The following PADI2 variants were observed in gnomAD, a reference collection of about 807,000 sequenced individuals.
The protein encoded by PADI2 is protein-arginine deiminase type-2.
PADI2 carries 70 observed loss-of-function variants against 81.1 expected under a neutral mutation model. The observed-to-expected ratio is 0.86, with a 90% confidence interval of 0.71 to 1.05. The LOEUF (loss-of-function observed/expected upper bound fraction) is 1.05. Ranked by LOEUF, PADI2 falls within the 50% of genes least tolerant of loss-of-function variation. The probability of loss-of-function intolerance (pLI) is 0.00; values close to 1 mark genes in which losing one functional copy is unlikely to be tolerated. For missense variants in PADI2, 853 were observed against 889.9 expected, an observed-to-expected ratio of 0.96 and a Z score of 0.53; for synonymous variants, 338 against 358.0, an observed-to-expected ratio of 0.94 and a Z score of 0.63.
At chr1:17,105,785 A>G (rs1480833705) in intron 1 of PADI2, among the ~76,000 whole-genome samples, 1 of 152,208 alleles carries the variant, frequency 6.6e-6, no homozygotes, top group East Asian at 1.9e-4. Flanking sequence ...GGCCAGCTGC[A>G]TTGCAGTCAC....
chr1:17,069,160 C>G lies in PADI2; in HGVS notation c.1882G>C (p.Glu628Gln). 1 of 1,614,206 alleles carries G rather than the reference C, an allele frequency of 6.2e-7. No homozygotes were observed. The highest frequency in any genetic ancestry group is 8.5e-7 in the Non-Finnish European group (1 of 1,180,022). Residue 628 changes from glutamate to glutamine, a missense_variant, in exon 16 of 16, where the codon GAA (glutamate) becomes CAA (glutamine). Transcript: ENST00000375486. ...GAAATGTCGTCGATGAAGGTGCATT[C>G]GAGGCCCAGGGGCTCCAGGAGGCCA... ...VRGLLEPLGLECTFIDDISAY... is the reference protein window; with the variant it reads ...VRGLLEPLGLQCTFIDDISAY...
intron 3 of PADI2, among the ~76,000 whole-genome samples, chr1:17,100,834 G>A (rs553475792): frequency 6.7e-6 from 1 of 150,186 alleles, no homozygotes; most frequent in Non-Finnish European, 1.5e-5. Flanking sequence ...GTTAATTTTT[G>A]TATTTTTAGT....
Position 17,104,451 on chromosome 1 carries a change from T to TTTTTTC in PADI2, c.276+426_276+427insGAAAAA, listed in dbSNP as rs1161832659. On this transcript the variant is annotated intron_variant, in intron 2 of 15. Transcript: ENST00000375486. ...CTTTTCTTTTTTTTTTTTTTTTTTT[T>TTTTTTC]TGAGACGGAGTCTCGCTCTGTCGCC... Among the ~76,000 whole-genome samples the TTTTTTC allele has an allele frequency of 1.1e-4, 13 of 123,748 alleles. 1 individual carries two copies. The highest frequency in any genetic ancestry group is 3.4e-5 in the Non-Finnish European group (2 of 58,170). 81.2% of individuals were successfully genotyped at this position (123,748 alleles called of 152,430 possible). A position where few individuals can be genotyped will look rare whatever the true frequency, so the allele number is the denominator to read the frequency against.
intron 10 of PADI2, among the ~76,000 whole-genome samples, chr1:17,081,158 G>A (rs1050901513): frequency 9.2e-5 from 14 of 152,256 alleles, no homozygotes; most frequent in African/African-American, 3.4e-4. Context: ...TGGTGCTGGT[G>A]GTTGGTTTGA....
chr1:17,084,324 T>C (rs1243655605), intron 8 of PADI2, among the ~76,000 whole-genome samples: 1 of 152,262 alleles, frequency 6.6e-6, no homozygotes, highest in African/African-American at 2.4e-5. Flanking sequence ...AGGAGGTTGC[T>C]AACTGCCTGG....
chr1:17,083,519 A>C lies in PADI2; in HGVS notation c.1050+207T>G. 2.3e-5 allele frequency: 13 copies of C among 562,690 alleles called. No individual in the cohort carries two copies. The South Asian group carries it at 2.7e-4, about 12-fold the overall frequency. 34.9% of individuals were successfully genotyped at this position (562,690 alleles called of 1,614,324 possible). A position where few individuals can be genotyped will look rare whatever the true frequency, so the allele number is the denominator to read the frequency against. On this transcript the variant is annotated intron_variant, in intron 9 of 15. Coordinates refer to ENST00000375486, the MANE Select transcript of PADI2 (RefSeq NM_007365.3). ...CTCAGTCCTCCACAGATGGACATTT[A>C]GGTTGCTTTGCAATCTTTTGCTACT...
At chr1:17,114,205 C>T (rs1931679973) in intron 1 of PADI2, among the ~76,000 whole-genome samples, 1 of 152,230 alleles carries the variant, frequency 6.6e-6, no homozygotes, top group Non-Finnish European at 1.5e-5. Flanking sequence ...CCAACGGTGC[C>T]TGTCCCTTGA....
At position 17,070,097 on chromosome 1, in the gene PADI2, G is replaced by A. The variant is rs11581590; in HGVS notation, c.1755C>T (p.Phe585=). The A allele has an allele frequency of 0.061, 98,407 of 1,613,804 alleles. 3,455 individuals carry two copies. The highest frequency in any genetic ancestry group is 0.072 in the Non-Finnish European group (85,289 of 1,179,754). ...MDEDHRARAF[F]PNMVNMIVLD... ...GTCTGCAGGGCCTCACCATGTTTGG[G>A]AAGAAGGCTCTGGCACGGTGGTCCT... Residue 585 remains phenylalanine (F), a synonymous_variant, in exon 15 of 16, where the codon TTC becomes TTT. Coordinates refer to ENST00000375486, the MANE Select transcript of PADI2 (RefSeq NM_007365.3).
chr1:17,106,433 C>A (rs2101607539), intron 1 of PADI2, among the ~76,000 whole-genome samples: 1 of 151,198 alleles, frequency 6.6e-6, no homozygotes, highest in South Asian at 2.1e-4. Context: ...TAGGGGCAGG[C>A]TTCTTTTTCT....
At chr1:17,107,988 A>C (rs1931447604) in intron 1 of PADI2, among the ~76,000 whole-genome samples, 1 of 142,134 alleles carries the variant, frequency 7.0e-6, no homozygotes, top group Non-Finnish European at 1.5e-5. Context: ...TCTCTCTGTC[A>C]CTCAGGCTAG....
intron 1 of PADI2, among the ~76,000 whole-genome samples, chr1:17,111,875 C>T (rs1192386994): frequency 6.6e-6 from 1 of 152,106 alleles, no homozygotes. Flanking sequence ...GGGGTTAGTC[C>T]TGCATGTTCG....
chr1:17,095,777 A>T (rs1930901237), intron 4 of PADI2, 132 bp downstream of exon 4: 2 of 646,538 alleles, frequency 3.1e-6, no homozygotes, highest in Non-Finnish European at 5.5e-6. Context: ...CATCATTGGT[A>T]TGCTGTGTGT....
At chr1:17,070,258 C>T in intron 14 of PADI2, 42 bp from the exon 15 acceptor site, 1 of 1,606,612 alleles carries the variant, frequency 6.2e-7, no homozygotes, top group Middle Eastern at 1.7e-4. Flanking sequence ...GTGAGGGGGA[C>T]ACACACCGGC....
chr1:17,093,475 C>T, intron 5 of PADI2, 92 bp downstream of exon 5: 1 of 818,208 alleles, frequency 1.2e-6, no homozygotes, highest in Non-Finnish European at 2.0e-6. Flanking sequence ...GGCCTGAGTC[C>T]ACACCTGCCT....
Position 17,079,274 on chromosome 1 carries a change from T to G in PADI2, c.1300A>C (p.Ser434Arg), listed in dbSNP as rs2078326204. Residue 434 changes from serine (S) to arginine (R), a missense_variant, in exon 11 of 16, where the codon AGC becomes CGC. By Grantham distance (110) the Ser-to-Arg change is moderately radical. Transcript: ENST00000375486. ...YPLGRILIGSSFPLSGGRRMT... is the reference protein window; with the variant it reads ...YPLGRILIGSRFPLSGGRRMT... ...CCTGGCTTCTCTTACAGAGGAAAGC[T>G]GCTCCCGATGAGGATGCGGCCAAGC... The G allele has an allele frequency of 6.2e-7, 1 of 1,613,690 alleles. No individual in the cohort carries two copies. The highest frequency in any genetic ancestry group is 8.5e-7 in the Non-Finnish European group (1 of 1,179,754).
chr1:17,096,009 A>AGGCAG (rs756099119), intron 3 of PADI2, 39 bp from the exon 4 acceptor site: 1 of 1,530,408 alleles, frequency 6.5e-7, no homozygotes, highest in Non-Finnish European at 9.0e-7. Flanking sequence ...TGAGCCTGCC[A>AGGCAG]GGCAGGGCAG....
chr1:17,108,102 C>CTT (rs1353575424), intron 1 of PADI2, among the ~76,000 whole-genome samples: 1 of 152,098 alleles, frequency 6.6e-6, no homozygotes, highest in Non-Finnish European at 1.5e-5. Flanking sequence ...GTGCCCGCCA[C>CTT]CATGCCCGGC....
intron 1 of PADI2, among the ~76,000 whole-genome samples, chr1:17,116,284 A>C (rs988988041): frequency 6.6e-6 from 1 of 152,210 alleles, no homozygotes; most frequent in African/African-American, 2.4e-5. Context: ...GTGTGCCAGC[A>C]TCACAGGAAA....
At chr1:17,096,577 T>A (rs2746515) in intron 3 of PADI2, among the ~76,000 whole-genome samples, 2 of 152,032 alleles carry the variant, frequency 1.3e-5, no homozygotes, top group Admixed American at 6.5e-5. Context: ...TGGTCTGAGG[T>A]CACCTGTGAG....
Sources: allele counts gnomAD v4.1 joint callset (sites outside exome capture counted in the v4.1 genomes callset), GRCh38; gene constraint gnomAD v4.1.1; transcripts MANE v1.5; gene names NCBI Gene and HGNC (gene_info 2026-07-23, HGNC 2026-07-21).